Variants in ASIC2 observed in about 807,000 individuals in gnomAD.
ASIC2 encodes the protein acid-sensing ion channel 2.
ASIC2 carries 25 observed loss-of-function variants against 57.3 expected under a neutral mutation model. That is an observed-to-expected ratio of 0.44 (90% confidence interval 0.32 to 0.61). The LOEUF (loss-of-function observed/expected upper bound fraction) is 0.61, where lower values mean the gene tolerates loss of function less well. Among genes scored for constraint, ASIC2 ranks in the 20% least tolerant of loss-of-function variants. ASIC2 has a pLI of 0.06. For synonymous variants in ASIC2, 319 were observed against 307.5 expected, an observed-to-expected ratio of 1.04 and a Z score of -0.39; for missense variants, 641 against 738.1, an observed-to-expected ratio of 0.87 and a Z score of 1.52.
chr17:34,021,010 A>G (rs191074666), intron 1 of ASIC2, among the ~76,000 whole-genome samples: 137 of 152,218 alleles, frequency 9.0e-4, no homozygotes, highest in Middle Eastern at 3.4e-3. Flanking sequence ...ACTCCCACCC[A>G]TTCCTGTCTC....
intron 1 of ASIC2, among the ~76,000 whole-genome samples, chr17:33,683,386 T>A (rs1035854068): frequency 5.9e-5 from 9 of 152,218 alleles, no homozygotes; most frequent in African/African-American, 2.2e-4. Flanking sequence ...TTTTAATTCT[T>A]TTGAAGACAA....
intron 1 of ASIC2, among the ~76,000 whole-genome samples, chr17:33,511,791 T>C (rs891969253): frequency 6.6e-6 from 1 of 152,154 alleles, no homozygotes; most frequent in African/African-American, 2.4e-5. Flanking sequence ...TTTCAACACT[T>C]AGGATAAAGA....
intron 1 of ASIC2, among the ~76,000 whole-genome samples, chr17:33,207,061 A>G (rs1907088416): frequency 6.6e-6 from 1 of 152,110 alleles, no homozygotes; most frequent in South Asian, 2.1e-4. Context: ...ATGACAATGG[A>G]TGTGGGTTTT....
intron 1 of ASIC2, among the ~76,000 whole-genome samples, chr17:33,863,836 T>C (rs900685360): frequency 3.9e-5 from 6 of 152,120 alleles, no homozygotes; most frequent in Non-Finnish European, 5.9e-5. Context: ...AACAAAAATC[T>C]AGCTATAAGT....
chr17:34,075,917 C>T (rs1909628263), intron 1 of ASIC2, among the ~76,000 whole-genome samples: 1 of 150,762 alleles, frequency 6.6e-6, no homozygotes, highest in Non-Finnish European at 1.5e-5. Flanking sequence ...CAACCTCTGC[C>T]TCCCAGGTTC....
chr17:33,455,499 C>G (rs184452504), intron 1 of ASIC2, among the ~76,000 whole-genome samples: 1 of 152,226 alleles, frequency 6.6e-6, no homozygotes, highest in Non-Finnish European at 1.5e-5. Context: ...GCTGCATCCA[C>G]GTTGCTGCAA....
chr17:33,038,143 T>A (rs1426643530), intron 3 of ASIC2, among the ~76,000 whole-genome samples: 1 of 152,214 alleles, frequency 6.6e-6, no homozygotes, highest in African/African-American at 2.4e-5. Flanking sequence ...CCCCAGCTTT[T>A]AGTTTCCTTA....
At chr17:33,948,279 G>A (rs926164172) in intron 1 of ASIC2, among the ~76,000 whole-genome samples, 1 of 152,350 alleles carries the variant, frequency 6.6e-6, no homozygotes, top group East Asian at 1.9e-4. Flanking sequence ...CAGATTCAAT[G>A]CTCTGAGCCT....
At chr17:33,953,958 G>C (rs1290294685) in intron 1 of ASIC2, among the ~76,000 whole-genome samples, 6 of 152,156 alleles carry the variant, frequency 3.9e-5, no homozygotes, top group African/African-American at 1.2e-4. Flanking sequence ...ACATTCTTTG[G>C]GCCACAGAGG....
intron 1 of ASIC2, among the ~76,000 whole-genome samples, chr17:33,484,909 C>T (rs1176554922): frequency 6.6e-6 from 1 of 152,234 alleles, no homozygotes; most frequent in African/African-American, 2.4e-5. Flanking sequence ...GATATAAATA[C>T]AACTGCAAAA....
intron 1 of ASIC2, among the ~76,000 whole-genome samples, chr17:33,640,895 CAGG>C (rs1311513308): frequency 6.6e-6 from 1 of 152,136 alleles, no homozygotes; most frequent in Non-Finnish European, 1.5e-5. Flanking sequence ...ATGTGGGACT[CAGG>C]AGGCATGTTT....
intron 2 of ASIC2, among the ~76,000 whole-genome samples, chr17:33,111,070 G>GT (rs2092256186): frequency 6.6e-6 from 1 of 152,138 alleles, no homozygotes; most frequent in African/African-American, 2.4e-5. Context: ...GCTTGTGGCT[G>GT]TATCACTCCA....
At position 34,155,852 on chromosome 17, in the gene ASIC2, C is replaced by T. The variant is rs1176339610; in HGVS notation, c.555+126G>A. On this transcript the variant is annotated intron_variant, in intron 1 of 9. Transcript: ENST00000359872. Reference sequence around the variant, plus strand: ...AACTCTGACCAACTACCCTCGTGGCCTTCAGGTGAGGCACTGCTCTCTCTC... The same window carrying T: ...AACTCTGACCAACTACCCTCGTGGCTTTCAGGTGAGGCACTGCTCTCTCTC... The T allele has an allele frequency of 4.5e-6, 5 of 1,120,100 alleles. No homozygotes were observed. In the Admixed American group the frequency reaches 8.2e-5, roughly 18 times the overall value. 69.4% of individuals were successfully genotyped at this position (1,120,100 alleles called of 1,614,324 possible). A position where few individuals can be genotyped will look rare whatever the true frequency, so the allele number is the denominator to read the frequency against.
intron 1 of ASIC2, among the ~76,000 whole-genome samples, chr17:34,100,262 TATA>T (rs1478275041): frequency 1.3e-5 from 2 of 151,756 alleles, no homozygotes; most frequent in Non-Finnish European, 2.9e-5. Context: ...AGAGAAGTGT[TATA>T]ATAACATGTC....
intron 1 of ASIC2, among the ~76,000 whole-genome samples, chr17:33,126,983 T>C (rs1309074519): frequency 1.4e-5 from 2 of 143,388 alleles, no homozygotes; most frequent in East Asian, 4.7e-4. Flanking sequence ...TTCTCCTGCC[T>C]CAGCCTCCCG....
rs1485178313 is a variant in ASIC2, at chr17:33,809,602, C to G, written c.555+346376G>C. 2.6e-5 allele frequency among the ~76,000 whole-genome samples: 4 copies of G among 152,284 alleles called. No homozygotes were observed. In the East Asian group the frequency reaches 5.8e-4, roughly 22 times the overall value. ...ACACGTATCCTTAGTGCACATGGAA[C>G]TCGTGAGTTGATGAGAGTGCATGGT... On this transcript the variant is annotated intron_variant, in intron 1 of 9. Transcript: ENST00000359872.
chr17:34,119,454 C>T (rs1163487742), intron 1 of ASIC2, among the ~76,000 whole-genome samples: 1 of 152,122 alleles, frequency 6.6e-6, no homozygotes, highest in Non-Finnish European at 1.5e-5. Context: ...GCATTATGCT[C>T]CCAGGTTAAT....
chr17:34,052,423 A>G (rs111254843), intron 1 of ASIC2, among the ~76,000 whole-genome samples: 1 of 152,036 alleles, frequency 6.6e-6, no homozygotes, highest in African/African-American at 2.4e-5. Context: ...ATCTCCGAAA[A>G]GACTGTTCAT....
intron 1 of ASIC2, among the ~76,000 whole-genome samples, chr17:33,268,387 ATCC>A (rs1909560411): frequency 6.6e-6 from 1 of 151,632 alleles, no homozygotes; most frequent in South Asian, 2.1e-4. Flanking sequence ...CCATCCATCC[ATCC>A]ATCTATACAT....
Sources: allele counts gnomAD v4.1 joint callset (sites outside exome capture counted in the v4.1 genomes callset), GRCh38; gene constraint gnomAD v4.1.1; transcripts MANE v1.5; gene names NCBI Gene and HGNC (gene_info 2026-07-23, HGNC 2026-07-21).